Variants in NHERF2 observed in about 807,000 individuals in gnomAD.
NHERF2 encodes NHERF family PDZ scaffold protein 2, also known as Na(+)/H(+) exchange regulatory cofactor NHE-RF2.
At chr16:2,033,500 G>A in the NHERF2 span, 1 of 1,449,358 alleles carries the variant, frequency 6.9e-7, no homozygotes, top group East Asian at 2.5e-5. Context: ...CGGGGTGGAA[G>A]GAGGGGACTC....
the NHERF2 span, chr16:2,036,245 A>G: frequency 8.4e-5 from 119 of 1,414,224 alleles, no homozygotes; most frequent in Non-Finnish European, 1.1e-4. Context: ...GAGTTTGGGC[A>G]GTGGCGGCAC....
At chr16:2,037,988 C>T in the NHERF2 span, 1 of 1,613,414 alleles carries the variant, frequency 6.2e-7, no homozygotes, top group Non-Finnish European at 8.5e-7. Flanking sequence ...CTTCTGAGCC[C>T]CTTCCTGCCT....
the NHERF2 span, chr16:2,036,858 C>A: frequency 6.2e-7 from 1 of 1,611,398 alleles, no homozygotes. Flanking sequence ...CTTCGGGTCA[C>A]ACCCACCGAG....
the NHERF2 span, chr16:2,029,667 A>T: frequency 2.6e-6 from 4 of 1,566,104 alleles, no homozygotes; most frequent in East Asian, 4.7e-5. Flanking sequence ...CGCCGGCGGC[A>T]GCTGACCTGT....
chr16:2,033,743 T>A, the NHERF2 span, among the ~76,000 whole-genome samples: 3 of 151,910 alleles, frequency 2.0e-5, no homozygotes, highest in East Asian at 5.8e-4. Flanking sequence ...CGGCAGGAAG[T>A]GTGTGCTGAG....
chr16:2,037,898 A>C, the NHERF2 span: 1 of 1,610,826 alleles, frequency 6.2e-7, no homozygotes, highest in Non-Finnish European at 8.5e-7. Context: ...GGCCGAGGCC[A>C]AGGAGAAGGC....
chr16:2,036,277 G>A, the NHERF2 span: 5 of 1,537,954 alleles, frequency 3.3e-6, no homozygotes, highest in Non-Finnish European at 4.4e-6. Context: ...GGCCTCTGGA[G>A]GCGGGAGGCT....
chr16:2,036,379 G>C, the NHERF2 span: 3 of 1,610,726 alleles, frequency 1.9e-6, no homozygotes, highest in Non-Finnish European at 2.5e-6. Context: ...CTGCGAAAGG[G>C]ACCTCAGGGC....
the NHERF2 span, among the ~76,000 whole-genome samples, chr16:2,034,214 G>A: frequency 1.3e-5 from 2 of 152,202 alleles, no homozygotes; most frequent in African/African-American, 2.4e-5. Context: ...GTGTGTGGAC[G>A]TCTTGTGTCT....
At chr16:2,038,899 C>T in the NHERF2 span, 2 of 154,002 alleles carry the variant, frequency 1.3e-5, no homozygotes, top group African/African-American at 4.8e-5. Context: ...CCCGTGGACA[C>T]CCTGTTGACT....
chr16:2,027,642 T>C, the NHERF2 span, among the ~76,000 whole-genome samples: 2 of 152,230 alleles, frequency 1.3e-5, no homozygotes, highest in African/African-American at 2.4e-5. Context: ...TGCGCCTGCC[T>C]GTGCGTACCC....
At chr16:2,038,578 G>A in the NHERF2 span, 5 of 327,732 alleles carry the variant, frequency 1.5e-5, no homozygotes, top group South Asian at 4.6e-5. Context: ...CAGCCTCTTC[G>A]TGGGGACCTT....
At chr16:2,036,613 C>T in the NHERF2 span, 2 of 1,531,280 alleles carry the variant, frequency 1.3e-6, no homozygotes, top group Admixed American at 1.9e-5. Context: ...GCTGGTGCGC[C>T]TCCTGCTGCC....
At chr16:2,027,031 C>T in the NHERF2 span, 1 of 1,231,552 alleles carries the variant, frequency 8.1e-7, no homozygotes, top group Non-Finnish European at 1.0e-6. Flanking sequence ...CCGCTGCGGC[C>T]GCGCCTGTGC....
chr16:2,036,482 C>T, the NHERF2 span: 82 of 1,594,820 alleles, frequency 5.1e-5, no homozygotes, highest in African/African-American at 7.5e-4. Context: ...CTGGCCTCCG[C>T]GCCCAGGACC....
chr16:2,029,123 A>T, the NHERF2 span, among the ~76,000 whole-genome samples: 1 of 152,198 alleles, frequency 6.6e-6, no homozygotes, highest in Non-Finnish European at 1.5e-5. Context: ...GACACACTCA[A>T]ACTGGGGCCC....
chr16:2,033,160 G>A, the NHERF2 span: 1 of 1,423,286 alleles, frequency 7.0e-7, no homozygotes, highest in Non-Finnish European at 9.2e-7. Flanking sequence ...CGCCAGGCTG[G>A]AGCCTTCGCA....
At chr16:2,029,711 G>T in the NHERF2 span, 1 of 911,384 alleles carries the variant, frequency 1.1e-6, no homozygotes, top group South Asian at 1.4e-5. Context: ...GCTCCCACCC[G>T]CCCACGACCC....
the NHERF2 span, chr16:2,038,033 T>C: frequency 5.6e-6 from 9 of 1,600,382 alleles, no homozygotes; most frequent in South Asian, 8.9e-5. Context: ...CGCACGGACC[T>C]TGGGCCTCAG....
Sources: gnomAD v4.1 joint callset for allele counts (sites outside exome capture counted in the v4.1 genomes callset) on GRCh38, gnomAD v4.1.1 for gene constraint, MANE v1.5 for transcripts, NCBI Gene and HGNC (gene_info 2026-07-23, HGNC 2026-07-21) for gene names.